The following RSRP1 variants were observed in gnomAD, a reference collection of about 807,000 sequenced individuals.
RSRP1 encodes the protein arginine/serine-rich protein 1.
In RSRP1, 37 loss-of-function variants were observed where a neutral mutation model predicts 33.0. That is an observed-to-expected ratio of 1.12 (90% CI 0.86 to 1.48). RSRP1 has a LOEUF of 1.48. Among genes scored for constraint, RSRP1 ranks in the 40% most tolerant of loss-of-function variants. The pLI is 0.00. For synonymous variants in RSRP1, 167 were observed against 158.7 expected (o/e 1.05, Z -0.40); for missense variants, 402 against 385.3 (o/e 1.04, Z -0.36).
At chr1:25,246,329 A>T in intron 2 of RSRP1, 115 bp downstream of exon 2, 1 of 1,477,534 alleles carries the variant, frequency 6.8e-7, no homozygotes, top group Non-Finnish European at 9.1e-7. Context: ...CTCCAAAAAG[A>T]TTTCGGGCAC....
In RSRP1 at chr1:25,268,693, A is replaced by T. The variant is rs1242904336; in HGVS notation, c.-66-21664T>A. Among the ~76,000 whole-genome samples the T allele has an allele frequency of 4.2e-4, 54 of 130,046 alleles. 9 individuals carry two copies. Among genetic ancestry groups the T allele is most frequent in the African/African-American group, 1.4e-3 (52 of 38,156 alleles). 85.3% of individuals were successfully genotyped at this position (130,046 alleles called of 152,430 possible). On this transcript the variant is annotated intron_variant, in intron 1 of 1. Coordinates refer to the RSRP1 transcript ENST00000561867. ...CCGGGCACAGTGGTTCACACCTATA[A>T]TCCCAGCACTTTGGGAGGTTGAGGT...
In RSRP1 at chr1:25,298,932, A is replaced by G. The variant is rs1194248312; in HGVS notation, c.-67+39046T>C. Among the ~76,000 whole-genome samples the G allele has an allele frequency of 4.6e-5, 6 of 129,282 alleles. 1 individual carries two copies. The East Asian group carries it at 5.9e-4, about 13-fold the overall frequency. The allele number at this position is 129,282 out of a possible 152,430, so 84.8% of individuals were successfully genotyped here. Reference sequence around the variant, plus strand: ...CCAGGGGCAGCTTCATCTTATCAAGAGGGTGATTTTTTGAGTACAGACCTG... The same window carrying G: ...CCAGGGGCAGCTTCATCTTATCAAGGGGGTGATTTTTTGAGTACAGACCTG... On this transcript the variant is annotated intron_variant, in intron 1 of 1. Coordinates refer to the RSRP1 transcript ENST00000561867.
chr1:25,329,237 G>GATTT, intron 1 of RSRP1: 1 of 232,394 alleles, frequency 4.3e-6, no homozygotes, highest in Non-Finnish European at 8.0e-6. Context: ...ATTATTCCTT[G>GATTT]TTTTTTTTTT....
At position 25,246,659 on chromosome 1, in the gene RSRP1, C is replaced by G. The variant is rs780873265; in HGVS notation, c.305G>C (p.Arg102Thr). 3.1e-6 allele frequency: 5 copies of G among 1,613,678 alleles called. No individual in the cohort carries two copies. The highest frequency in any genetic ancestry group is 1.7e-6 in the Non-Finnish European group (2 of 1,179,704). ...RYRERRYGFT[R>T]RYYRSPSRYR... ...CCGCGAAGGAGACCGGTAGTATCTC[C>G]TGGTGAACCCGTAGCGCCTCTCTCG... is the stretch of plus-strand genomic sequence containing the variant. Residue 102 changes from arginine (R) to threonine (T), a missense_variant, in exon 2 of 5, where the codon AGG becomes ACG. Transcript: ENST00000243189.
intron 1 of RSRP1, among the ~76,000 whole-genome samples, chr1:25,258,097 G>A (rs1315169508): frequency 6.6e-6 from 1 of 152,192 alleles, no homozygotes; most frequent in Non-Finnish European, 1.5e-5. Context: ...TGGGGGCAGA[G>A]TGTTCCAAAG....
chr1:25,286,897 A>G (rs923494503), intron 1 of RSRP1, among the ~76,000 whole-genome samples: 1 of 134,526 alleles, frequency 7.4e-6, no homozygotes, highest in Non-Finnish European at 1.8e-5. Context: ...GTCCGAGACC[A>G]ACCTGAGCAA....
chr1:25,282,004 CA>C lies in RSRP1; in HGVS notation c.-66-34976del, dbSNP rs1368877719. ...TGTTATCAAGGCCAGGGCTGGAGACCAGTGGCAGGTGAGTTCCTATTGCTGT... is the reference window on the plus strand; with the variant it reads ...TGTTATCAAGGCCAGGGCTGGAGACCGTGGCAGGTGAGTTCCTATTGCTGT... On this transcript the variant is annotated intron_variant, in intron 1 of 1. Coordinates refer to the RSRP1 transcript ENST00000561867. Among the ~76,000 whole-genome samples the C allele has an allele frequency of 1.7e-4, 22 of 132,046 alleles. 6 individuals are homozygous for C. The highest frequency in any genetic ancestry group is 4.7e-4 in the African/African-American group (18 of 38,658). 86.6% of individuals were successfully genotyped at this position (132,046 alleles called of 152,430 possible).
At position 25,279,610 on chromosome 1, in the gene RSRP1, C is replaced by T. The variant is rs573575180; in HGVS notation, c.-66-32581G>A. 5.5e-5 allele frequency among the ~76,000 whole-genome samples: 7 copies of T among 127,188 alleles called. 2 individuals carry two copies. The highest frequency in any genetic ancestry group is 1.3e-4 in the Non-Finnish European group (7 of 54,650). The allele number at this position is 127,188 out of a possible 152,430, so 83.4% of individuals were successfully genotyped here. On this transcript the variant is annotated intron_variant, in intron 1 of 1. Transcript: ENST00000561867. Reference sequence around the variant, plus strand: ...TGGGGATAATAAATCGTACCTCCTACCTGAGGCTGTTGTGGGCTAAGTCTG... The same window carrying T: ...TGGGGATAATAAATCGTACCTCCTATCTGAGGCTGTTGTGGGCTAAGTCTG...
chr1:25,313,846 T>C (rs112851708), intron 1 of RSRP1, among the ~76,000 whole-genome samples: 13 of 132,674 alleles, frequency 9.8e-5, no homozygotes, highest in East Asian at 3.9e-4. Context: ...TGCAAGAAAA[T>C]GAGATAAACA....
rs57221829 is a variant in RSRP1, at chr1:25,276,693, G to A, written c.-66-29664C>T. Among the ~76,000 whole-genome samples the A allele has an allele frequency of 7.7e-5, 10 of 129,888 alleles. 2 individuals carry two copies. The highest frequency in any genetic ancestry group is 2.6e-4 in the African/African-American group (10 of 37,974). 85.2% of individuals were successfully genotyped at this position (129,888 alleles called of 152,430 possible). A position where few individuals can be genotyped will look rare whatever the true frequency, so the allele number is the denominator to read the frequency against. ...TGTACCACTTCACTCCAGCATGGGC[G>A]ACAGAGCAAGACCCTGTCTCAAAAA... On this transcript the variant is annotated intron_variant, in intron 1 of 1. Transcript: ENST00000561867.
At chr1:25,257,894 A>G (rs1438289927) in intron 1 of RSRP1, among the ~76,000 whole-genome samples, 1 of 152,060 alleles carries the variant, frequency 6.6e-6, no homozygotes, top group Non-Finnish European at 1.5e-5. Flanking sequence ...TACAGGCGTG[A>G]GCCACCATAC....
At chr1:25,316,506 G>C (rs950359776) in intron 1 of RSRP1, among the ~76,000 whole-genome samples, 2 of 115,522 alleles carry the variant, frequency 1.7e-5, no homozygotes, top group African/African-American at 5.8e-5. Context: ...TGTAGTCCCA[G>C]CTACTTGAGG....
chr1:25,256,034 A>T (rs1339019323), intron 1 of RSRP1, among the ~76,000 whole-genome samples: 10 of 152,200 alleles, frequency 6.6e-5, no homozygotes. Context: ...CATTCGGGCC[A>T]ATAAAACAAA....
chr1:25,243,434 C>A, intron 4 of RSRP1, 116 bp downstream of exon 4: 2 of 1,279,056 alleles, frequency 1.6e-6, no homozygotes, highest in Middle Eastern at 2.1e-4. Flanking sequence ...GATTTTAATT[C>A]TATTTAAAAA....
chr1:25,243,382 C>T (rs541652671), intron 4 of RSRP1, among the ~76,000 whole-genome samples, 168 bp downstream of exon 4: 11 of 152,224 alleles, frequency 7.2e-5, no homozygotes, highest in African/African-American at 2.6e-4. Context: ...ATATTACAAA[C>T]CCATTATAAT....
chr1:25,313,211 C>T (rs1644261570), intron 1 of RSRP1, among the ~76,000 whole-genome samples: 1 of 130,232 alleles, frequency 7.7e-6, no homozygotes, highest in South Asian at 2.4e-4. Flanking sequence ...ATGCTCTTGC[C>T]CTCTTGCCAT....
At chr1:25,321,674 T>TAAATAAAATAAAATAAAATA (rs56928540) in intron 1 of RSRP1, among the ~76,000 whole-genome samples, 30,834 of 91,054 alleles carry the variant, frequency 0.34, 9,243 homozygotes, top group East Asian at 0.64. Flanking sequence ...TGTCTCAAAA[T>TAAATAAAATAAAATAAAATA]AAATAAAATA....
chr1:25,291,161 T>TAGAC (rs377224052), intron 1 of RSRP1, among the ~76,000 whole-genome samples: 1,542 of 124,122 alleles, frequency 0.012, 189 homozygotes, highest in East Asian at 0.038. Flanking sequence ...GATAGATAGA[T>TAGAC]AGACAGACAG....
intron 1 of RSRP1, among the ~76,000 whole-genome samples, chr1:25,289,024 G>C (rs1208013672): frequency 7.5e-6 from 1 of 133,870 alleles, no homozygotes; most frequent in Non-Finnish European, 1.8e-5. Flanking sequence ...CACTGGGGAA[G>C]CTGAGTCCAG....
Sources: allele counts gnomAD v4.1 joint callset (sites outside exome capture counted in the v4.1 genomes callset), GRCh38; gene constraint gnomAD v4.1.1; transcripts MANE v1.5; gene names NCBI Gene and HGNC (gene_info 2026-07-23, HGNC 2026-07-21).